The following CKAP5 variants were observed in gnomAD, a reference collection of about 807,000 sequenced individuals.
The protein encoded by CKAP5 is cytoskeleton associated protein 5, also known as cytoskeleton-associated protein 5.
CKAP5 carries 27 observed loss-of-function variants against 232.8 expected under a neutral mutation model. The ratio of observed to expected loss-of-function variants is 0.12; its 90% CI spans 0.09 to 0.16. CKAP5 has a LOEUF of 0.16. CKAP5 is among the 10% of genes least tolerant of loss of function. The pLI is 1.00. For synonymous variants in CKAP5, 785 were observed against 841.1 expected (o/e 0.93, Z 1.16); for missense variants, 1,838 against 2,424.7 (o/e 0.76, Z 5.08).
chr11:46,791,212 C>T (rs999668170), intron 13 of CKAP5, among the ~76,000 whole-genome samples: 2 of 151,752 alleles, frequency 1.3e-5, no homozygotes, highest in Non-Finnish European at 2.9e-5. Context: ...AGAATGACAT[C>T]CTGATACCTT....
intron 1 of CKAP5, among the ~76,000 whole-genome samples, chr11:46,833,832 A>G (rs1016656637): frequency 2.6e-5 from 4 of 151,992 alleles, no homozygotes; most frequent in African/African-American, 9.7e-5. Context: ...TCAGTAAACC[A>G]CAGCTATCAT....
chr11:46,832,270 ATAT>A (rs1318766497), intron 1 of CKAP5, among the ~76,000 whole-genome samples: 1 of 152,204 alleles, frequency 6.6e-6, no homozygotes, highest in Non-Finnish European at 1.5e-5. Context: ...TCACTCAGTA[ATAT>A]TATTTTGAAA....
intron 28 of CKAP5, among the ~76,000 whole-genome samples, chr11:46,763,992 T>C (rs570281145): frequency 1.3e-5 from 2 of 152,270 alleles, no homozygotes; most frequent in Admixed American, 6.5e-5. Context: ...TGCACCACTA[T>C]GCCCAGCTAA....
chr11:46,765,269 T>G lies in CKAP5; in HGVS notation c.3412-13A>C. 1 of 1,600,572 alleles carries G rather than the reference T, an allele frequency of 6.2e-7. No homozygotes were observed. The highest frequency in any genetic ancestry group is 1.7e-4 in the Middle Eastern group (1 of 6,020). On this transcript the variant is annotated splice_polypyrimidine_tract_variant and intron_variant, in intron 27 of 43. Transcript: ENST00000529230. ...TCCCTTGTGCACTCTACAACCAAGG[T>G]TCAGGGAATACTGATTAGCTTGGCC...
chr11:46,843,916 C>T (rs1390895094), intron 1 of CKAP5, among the ~76,000 whole-genome samples: 1 of 151,884 alleles, frequency 6.6e-6, no homozygotes, highest in Non-Finnish European at 1.5e-5. Context: ...CTAATAGAAG[C>T]TACAGTTAGA....
intron 1 of CKAP5, among the ~76,000 whole-genome samples, chr11:46,841,227 G>A (rs1592495371): frequency 2.0e-5 from 3 of 150,700 alleles, no homozygotes; most frequent in South Asian, 2.1e-4. Flanking sequence ...CCAAGACTGC[G>A]CCACCGCACT....
At chr11:46,817,024 T>G (rs1939418199) in intron 3 of CKAP5, among the ~76,000 whole-genome samples, 1 of 151,718 alleles carries the variant, frequency 6.6e-6, no homozygotes, top group Non-Finnish European at 1.5e-5. Flanking sequence ...GAGAATCACT[T>G]GAACCTGGGA....
intron 1 of CKAP5, among the ~76,000 whole-genome samples, chr11:46,839,820 C>G (rs1940007228): frequency 6.6e-6 from 1 of 152,092 alleles, no homozygotes; most frequent in South Asian, 2.1e-4. Context: ...GTTTCCTCAT[C>G]TGTAAAACAT....
At chr11:46,831,036 G>C (rs1939780952) in intron 1 of CKAP5, among the ~76,000 whole-genome samples, 1 of 152,154 alleles carries the variant, frequency 6.6e-6, no homozygotes, top group Non-Finnish European at 1.5e-5. Flanking sequence ...CTGCACTCCA[G>C]GCTGGGCAAC....
chr11:46,812,188 A>T (rs1939289120), intron 4 of CKAP5, among the ~76,000 whole-genome samples: 1 of 152,080 alleles, frequency 6.6e-6, no homozygotes, highest in South Asian at 2.1e-4. Flanking sequence ...AAAATTAGCC[A>T]GGCACGATAG....
At chr11:46,746,046 A>G (rs549794800) in intron 42 of CKAP5, among the ~76,000 whole-genome samples, 78 of 152,322 alleles carry the variant, frequency 5.1e-4, no homozygotes, top group African/African-American at 1.6e-3. Flanking sequence ...TAAGAGAACA[A>G]AATTTAACTG....
intron 30 of CKAP5, 98 bp downstream of exon 30, chr11:46,762,878 G>T (rs571182559): frequency 7.0e-7 from 1 of 1,436,992 alleles, no homozygotes; most frequent in African/African-American, 1.4e-5. Flanking sequence ...GGAAGGTACC[G>T]TGATATAATC....
rs763862293 is a variant in CKAP5, at chr11:46,759,396, G to T, written c.4441C>A (p.Arg1481Ser). The change falls in exon 34 of 44, where the codon CGC becomes AGC. Residue 1481 changes from arginine (R) to serine (S), a missense_variant. This residue lies in a region of CKAP5 where 579 missense variants were observed against 843.2 expected (regional missense o/e 0.69). Transcript: ENST00000529230. The part of the protein sequence containing the change: ...SGHPEAAQMV[R>S]REFQLDLDEI... ...TCTAGATCCAGCTGGAATTCTCGGCGGACCATCTGGGCTGCCTCAGGATGC... is the reference window on the plus strand; with the variant it reads ...TCTAGATCCAGCTGGAATTCTCGGCTGACCATCTGGGCTGCCTCAGGATGC... 1.2e-6 allele frequency: 2 copies of T among 1,613,878 alleles called. No individual in the cohort carries two copies. The highest frequency in any genetic ancestry group is 2.7e-5 in the African/African-American group (2 of 74,868).
chr11:46,782,152 CTCTCTA>C (rs370644373), intron 18 of CKAP5, among the ~76,000 whole-genome samples: 92 of 152,202 alleles, frequency 6.0e-4, no homozygotes, highest in Middle Eastern at 6.8e-3. Flanking sequence ...CTGTCTCTCT[CTCTCTA>C]TATATATATT....
intron 1 of CKAP5, among the ~76,000 whole-genome samples, chr11:46,841,917 G>C (rs1940062663): frequency 6.8e-6 from 1 of 148,130 alleles, no homozygotes; most frequent in South Asian, 2.2e-4. Flanking sequence ...AGAATCACTT[G>C]AGCCTGGGAG....
chr11:46,759,434 C>A lies in CKAP5; in HGVS notation c.4403G>T (p.Arg1468Leu), dbSNP rs1174603316. The A allele has an allele frequency of 1.2e-6, 2 of 1,612,976 alleles. No homozygotes were observed. Among genetic ancestry groups the A allele is most frequent in the Non-Finnish European group, 1.7e-6 (2 of 1,179,642 alleles). The change falls in exon 34 of 44, where the codon CGA becomes CTA. Residue 1468 changes from arginine to leucine, a missense_variant. Transcript: ENST00000529230. ...EDMSSKLNQA[R>L]SMSGHPEAAQ... Reference sequence around the variant, plus strand: ...TGCCTCAGGATGCCCACTCATGCTTCGGGCTTGGCTAAGGGAAGCAAAAGG... The same window carrying A: ...TGCCTCAGGATGCCCACTCATGCTTAGGGCTTGGCTAAGGGAAGCAAAAGG...
In CKAP5 at chr11:46,797,811, T is replaced by C. The variant is rs774674204; in HGVS notation, c.1332A>G (p.Leu444=). Residue 444 remains leucine, a synonymous_variant, in exon 11 of 44, where the codon CTA becomes CTG. Coordinates refer to ENST00000529230, the MANE Select transcript of CKAP5 (RefSeq NM_001008938.4). ...KSLLKPFCAA[L]LKHINDSAPE... is the part of the protein sequence containing the mutation. ...CTTCAAAGAGAGTCTGTACCTTAAG[T>C]AGTGCAGCACAAAAGGGCTTTAGCA... The C allele has an allele frequency of 1.9e-6, 3 of 1,606,854 alleles. No individual in the cohort carries two copies. Among genetic ancestry groups the C allele is most frequent in the Non-Finnish European group, 2.5e-6 (3 of 1,178,298 alleles).
intron 9 of CKAP5, among the ~76,000 whole-genome samples, chr11:46,800,107 CTAAG>C (rs751258626): frequency 2.0e-4 from 30 of 151,744 alleles, no homozygotes; most frequent in Non-Finnish European, 2.9e-4. Context: ...GTAAAATATC[CTAAG>C]TAATATAAAA....
chr11:46,755,515 A>T (rs141348433), intron 35 of CKAP5, among the ~76,000 whole-genome samples: 1 of 151,992 alleles, frequency 6.6e-6, no homozygotes, highest in Admixed American at 6.6e-5. Flanking sequence ...CCCCATTTAA[A>T]TATAAATAAC....
Sources: gnomAD v4.1 joint callset for allele counts (sites outside exome capture counted in the v4.1 genomes callset) on GRCh38, gnomAD v4.1.1 for gene constraint, gnomAD v4.1.1 regional missense constraint, MANE v1.5 for transcripts, NCBI Gene and HGNC (gene_info 2026-07-23, HGNC 2026-07-21) for gene names.